The following GPC5 variants were observed in gnomAD, a reference collection of about 807,000 sequenced individuals.
The protein encoded by GPC5 is glypican 5.
GPC5 carries 47 observed loss-of-function variants against 53.9 expected under a neutral mutation model. The observed-to-expected ratio is 0.87, with a 90% CI of 0.69 to 1.11. The LOEUF is 1.11. GPC5 is among the 50% of genes most tolerant of loss of function. The pLI, the probability that GPC5 is intolerant of heterozygous loss-of-function variation, is 0.00. For missense variants in GPC5, 748 were observed against 713.1 expected (o/e 1.05, Z -0.56); for synonymous variants, 286 against 263.3 (o/e 1.09, Z -0.84).
At chr13:91,676,607 T>A (rs1209960561) in intron 2 of GPC5, among the ~76,000 whole-genome samples, 3 of 152,044 alleles carry the variant, frequency 2.0e-5, no homozygotes, top group African/African-American at 7.3e-5. Flanking sequence ...CTTTTATTTT[T>A]CTTTTGTACC....
chr13:92,002,933 A>G (rs924099478), intron 6 of GPC5, among the ~76,000 whole-genome samples: 1 of 152,232 alleles, frequency 6.6e-6, no homozygotes, highest in African/African-American at 2.4e-5. Flanking sequence ...ACTTAGAAAC[A>G]AAGAGTAAAG....
intron 2 of GPC5, among the ~76,000 whole-genome samples, chr13:91,582,443 C>T (rs999186080): frequency 1.1e-4 from 17 of 151,948 alleles, no homozygotes; most frequent in African/African-American, 4.1e-4. Context: ...AACAACAAAA[C>T]AGACATGAGA....
At chr13:91,758,541 T>C (rs1413904079) in intron 5 of GPC5, among the ~76,000 whole-genome samples, 1 of 152,128 alleles carries the variant, frequency 6.6e-6, no homozygotes, top group Non-Finnish European at 1.5e-5. Flanking sequence ...ATCAATGATT[T>C]GGGGAAACCT....
chr13:92,031,872 ATAACATATATT>A, intron 6 of GPC5, among the ~76,000 whole-genome samples: 1 of 68,924 alleles, frequency 1.5e-5, no homozygotes, highest in Non-Finnish European at 2.8e-5. Context: ...TATATTATAT[ATAACATATATT>A]TTATATATTA....
intron 7 of GPC5, among the ~76,000 whole-genome samples, chr13:92,838,505 A>G (rs577679205): frequency 2.0e-5 from 3 of 151,970 alleles, no homozygotes; most frequent in South Asian, 2.1e-4. Context: ...AAAAAGAAAA[A>G]AAAGAAAGTA....
chr13:91,435,004 A>G (rs1373676399), intron 1 of GPC5, among the ~76,000 whole-genome samples: 1 of 152,214 alleles, frequency 6.6e-6, no homozygotes, highest in African/African-American at 2.4e-5. Flanking sequence ...TTATTGGTGT[A>G]TAAGAACGCT....
intron 7 of GPC5, among the ~76,000 whole-genome samples, chr13:92,377,821 A>T (rs995834558): frequency 6.6e-6 from 1 of 152,224 alleles, no homozygotes; most frequent in Non-Finnish European, 1.5e-5. Context: ...TCATTTTTCT[A>T]TGGGTCATAA....
At chr13:92,526,292 G>A (rs1045872742) in intron 7 of GPC5, among the ~76,000 whole-genome samples, 13 of 152,090 alleles carry the variant, frequency 8.5e-5, no homozygotes, top group Admixed American at 2.0e-4. Context: ...CAATTAGGTC[G>A]TCAGTGAATG....
Position 91,977,698 on chromosome 13 carries a change from G to A in GPC5, c.1401+69641G>A, listed in dbSNP as rs2040316728. Among the ~76,000 whole-genome samples the A allele has an allele frequency of 3.3e-5, 5 of 152,128 alleles. No homozygotes were observed. In the South Asian group the frequency reaches 8.3e-4, roughly 25 times the overall value. On this transcript the variant is annotated intron_variant, in intron 6 of 7. Transcript: ENST00000377067. ...GATACCTCCTTCCCCCATAAAAGTG[G>A]TCATAGCCAAGAGAATTCTATGCAA...
chr13:92,388,246 AATTG>A (rs746021328), intron 7 of GPC5, among the ~76,000 whole-genome samples: 2 of 152,110 alleles, frequency 1.3e-5, no homozygotes, highest in Non-Finnish European at 2.9e-5. Context: ...AATAAAAAGA[AATTG>A]ATTAATTGTT....
At chr13:92,557,065 T>G (rs1882518692) in intron 7 of GPC5, among the ~76,000 whole-genome samples, 1 of 151,818 alleles carries the variant, frequency 6.6e-6, no homozygotes, top group Admixed American at 6.6e-5. Context: ...TATTCATTTT[T>G]TTTGGTCTTA....
intron 2 of GPC5, among the ~76,000 whole-genome samples, chr13:91,583,177 TCAC>T (rs2032433216): frequency 6.6e-6 from 1 of 152,144 alleles, no homozygotes; most frequent in Admixed American, 6.6e-5. Context: ...ATGTTCACTA[TCAC>T]CACTTCTATT....
At chr13:91,690,206 G>C (rs2139793017) in intron 2 of GPC5, among the ~76,000 whole-genome samples, 1 of 152,166 alleles carries the variant, frequency 6.6e-6, no homozygotes, top group Non-Finnish European at 1.5e-5. Context: ...CCCCTTCAAA[G>C]GGTAGTAAAG....
At chr13:91,709,039 G>T (rs2036170569) in intron 3 of GPC5, among the ~76,000 whole-genome samples, 2 of 152,148 alleles carry the variant, frequency 1.3e-5, no homozygotes, top group Non-Finnish European at 2.9e-5. Context: ...TTATGAGTCT[G>T]ATACATTTAA....
intron 7 of GPC5, among the ~76,000 whole-genome samples, chr13:92,397,870 A>G (rs927347143): frequency 4.6e-5 from 7 of 152,188 alleles, no homozygotes; most frequent in African/African-American, 1.7e-4. Context: ...TTATTCTATT[A>G]TCTTGCAGTT....
chr13:92,737,481 T>A (rs1888967406), intron 7 of GPC5, among the ~76,000 whole-genome samples: 1 of 152,082 alleles, frequency 6.6e-6, no homozygotes, highest in African/African-American at 2.4e-5. Context: ...AATATCAGAT[T>A]CACTATGAAA....
rs1318211653 is a variant in GPC5 at position 91,432,219 on chromosome 13, G to C, written c.164-16542G>C. On this transcript the variant is annotated intron_variant, in intron 1 of 7. Transcript: ENST00000377067. The stretch of plus-strand genomic sequence containing the variant: ...CTGCTGCTGCTGTGTGTGTGTGTGT[G>C]TGTGTGTGTGTGTGTGTGTGTGTGT... Among the ~76,000 whole-genome samples the C allele has an allele frequency of 3.9e-4, 52 of 134,826 alleles. 1 individual carries two copies. The highest frequency in any genetic ancestry group is 1.6e-3 in the African/African-American group (49 of 30,618). 88.5% of individuals were successfully genotyped at this position (134,826 alleles called of 152,430 possible).
intron 7 of GPC5, among the ~76,000 whole-genome samples, chr13:92,554,940 T>G (rs865983093): frequency 2.0e-4 from 30 of 149,936 alleles, no homozygotes; most frequent in Middle Eastern, 3.2e-3. Context: ...GTTTTGAGTT[T>G]GTTTTTTTTT....
In GPC5 at chr13:92,473,056, A is replaced by G. The variant is rs570147354; in HGVS notation, c.1561+328067A>G. ...AAATTGTCAAAAACAGATATTGATC[A>G]TATTTCTAAAAATTATTAAGGGGAA... On this transcript the variant is annotated intron_variant, in intron 7 of 7. Coordinates refer to ENST00000377067, the MANE Select transcript of GPC5 (RefSeq NM_004466.6). Among the ~76,000 whole-genome samples the G allele has an allele frequency of 7.2e-5, 11 of 152,194 alleles. No individual in the cohort carries two copies. The East Asian group carries it at 2.1e-3, about 29-fold the overall frequency.
Sources: gnomAD v4.1 joint callset for allele counts (sites outside exome capture counted in the v4.1 genomes callset) on GRCh38, gnomAD v4.1.1 for gene constraint, MANE v1.5 for transcripts, NCBI Gene and HGNC (gene_info 2026-07-23, HGNC 2026-07-21) for gene names.